EFCAB6: variants seen among roughly 807,000 people sequenced by gnomAD.
EFCAB6 encodes the protein EF-hand calcium binding domain 6.
Under a neutral mutation model 169.8 loss-of-function variants are expected in EFCAB6, and 156 were observed. That is an observed-to-expected ratio of 0.92 (90% CI 0.81 to 1.05). EFCAB6 has a LOEUF of 1.05. Ranked by LOEUF, EFCAB6 falls within the 50% of genes least tolerant of loss-of-function variation. EFCAB6 has a pLI of 0.00. For missense variants in EFCAB6, 1,800 were observed against 1,829.1 expected (o/e 0.98, Z 0.29); for synonymous variants, 698 against 676.4 (o/e 1.03, Z -0.50).
rs12159591 is a variant in EFCAB6 at position 43,626,574 on chromosome 22, C to T, written c.2338G>A (p.Asp780Asn). The T allele has an allele frequency of 1.3e-3, 2,103 of 1,614,164 alleles. 28 individuals carry two copies. The African/African-American group carries it at 0.025, about 19-fold the overall frequency. Residue 780 changes from aspartate to asparagine, a missense_variant, in exon 20 of 32, where the codon GAC (aspartate) becomes AAC (asparagine). Coordinates refer to ENST00000262726, the MANE Select transcript of EFCAB6 (RefSeq NM_022785.4). ...LLHLLLNLKD[D>N]EFERFLGLLG... ...AGGCCAAGGAAGCGCTCAAACTCGT[C>T]GTCTTTGAGATTAAGCAGTAGATGC...
intron 25 of EFCAB6, 59 bp downstream of exon 25, chr22:43,580,405 G>C: frequency 6.4e-7 from 1 of 1,569,868 alleles, no homozygotes; most frequent in Non-Finnish European, 8.7e-7. Context: ...GTGGGGCTGA[G>C]AGGTGTTTTC....
At chr22:43,604,186 C>T (rs868252366) in intron 22 of EFCAB6, among the ~76,000 whole-genome samples, 1 of 152,260 alleles carries the variant, frequency 6.6e-6, no homozygotes, top group Middle Eastern at 3.4e-3. Flanking sequence ...TTTCTTTATA[C>T]GTTACCCAGT....
intron 23 of EFCAB6, among the ~76,000 whole-genome samples, chr22:43,599,202 C>A (rs990579554): frequency 6.6e-6 from 1 of 152,152 alleles, no homozygotes; most frequent in Non-Finnish European, 1.5e-5. Context: ...TAAGCCAGTG[C>A]ACTAATTTGG....
chr22:43,715,339 T>C (rs1047520875), intron 9 of EFCAB6, among the ~76,000 whole-genome samples: 6 of 152,174 alleles, frequency 3.9e-5, no homozygotes, highest in African/African-American at 1.4e-4. Flanking sequence ...TCATTTAACC[T>C]ATTCATGCCT....
rs185514119 is a variant in EFCAB6 at position 43,785,454 on chromosome 22, T to A, written c.-7-3129A>T. On this transcript the variant is annotated intron_variant, in intron 2 of 31. Coordinates refer to ENST00000262726, the MANE Select transcript of EFCAB6 (RefSeq NM_022785.4). ...TCAAAAGAGAAATTACCAAATAGTT[T>A]TAGATGGATGAAAATGAAGGCACAA... 9.9e-5 allele frequency among the ~76,000 whole-genome samples: 15 copies of A among 152,158 alleles called. 1 individual carries two copies. The East Asian group carries it at 2.9e-3, about 29-fold the overall frequency.
In EFCAB6 at chr22:43,537,435, T is replaced by G; in HGVS notation, c.3990A>C (p.Lys1330Asn). The part of the protein sequence containing the change: ...RIQGCWRQLL[K>N]ECKEKDVARQ... ...TGGCCACGTCCTTCTCCTTGCATTC[T>G]TTCAGGAGCTGGCGCCAGCAGCCCT... Residue 1330 changes from lysine (K) to asparagine (N), a missense_variant, in exon 29 of 32, where the codon AAA becomes AAC. Lys to Asn is a moderately conservative substitution (Grantham distance 94). Coordinates refer to ENST00000262726, the MANE Select transcript of EFCAB6 (RefSeq NM_022785.4). The surrounding 1 kb of genome is among the most constrained non-coding windows in gnomAD (Gnocchi z 4.3). 2 of 1,614,158 alleles carry G rather than the reference T, an allele frequency of 1.2e-6. No homozygotes were observed. Among genetic ancestry groups the G allele is most frequent in the Non-Finnish European group, 1.7e-6 (2 of 1,180,038 alleles).
At chr22:43,568,591 G>T (rs2049603363) in intron 26 of EFCAB6, among the ~76,000 whole-genome samples, 2 of 152,144 alleles carry the variant, frequency 1.3e-5, no homozygotes, top group African/African-American at 4.8e-5. Context: ...GGGTTCAGGG[G>T]AATGAGGCGG....
intron 8 of EFCAB6, among the ~76,000 whole-genome samples, chr22:43,721,804 G>A (rs8140278): frequency 0.41 from 61,823 of 151,904 alleles, 13,754 homozygotes; most frequent in East Asian, 0.83. Context: ...AAGAAAAACT[G>A]GGAAATATCC....
At chr22:43,760,319 C>T (rs1416123601) in intron 5 of EFCAB6, among the ~76,000 whole-genome samples, 1 of 151,944 alleles carries the variant, frequency 6.6e-6, no homozygotes, top group Admixed American at 6.6e-5. Context: ...ATTTCATTAT[C>T]TTATAGCCTT....
Position 43,537,450 on chromosome 22 carries a change from C to T in EFCAB6, c.3975G>A (p.Trp1325Ter). 6.2e-7 allele frequency: 1 copy of T among 1,614,144 alleles called. No individual in the cohort carries two copies. The highest frequency in any genetic ancestry group is 2.2e-5 in the East Asian group (1 of 44,878). Residue 1325 changes from tryptophan (W) to a stop codon, truncating the protein, a stop_gained, in exon 29 of 32, where the codon TGG becomes TGA. Coordinates refer to ENST00000262726, the MANE Select transcript of EFCAB6 (RefSeq NM_022785.4). LOFTEE classifies it high-confidence loss of function. This position sits in a 1 kb window ranked among gnomAD's most constrained non-coding sequence, Gnocchi z 4.3. ...SRLRKRIQGC[W>*]RQLLKECKEK... ...CCTTGCATTCTTTCAGGAGCTGGCG[C>T]CAGCAGCCCTGGATTCTCTTCCGGA...
At chr22:43,676,172 C>A (rs1040538649) in intron 13 of EFCAB6, among the ~76,000 whole-genome samples, 1 of 151,904 alleles carries the variant, frequency 6.6e-6, no homozygotes, top group Non-Finnish European at 1.5e-5. Flanking sequence ...AATCCCAGCA[C>A]CTTGGGAGGC....
At chr22:43,677,894 G>C in intron 13 of EFCAB6, 102 bp downstream of exon 13, 1 of 1,214,274 alleles carries the variant, frequency 8.2e-7, no homozygotes, top group Non-Finnish European at 1.1e-6. Context: ...CTGTAAAGTC[G>C]TTAATTTATT....
chr22:43,576,600 A>C, intron 25 of EFCAB6, 112 bp from the exon 26 acceptor site: 1 of 881,472 alleles, frequency 1.1e-6, no homozygotes, highest in South Asian at 2.6e-5. Flanking sequence ...AGTGTATAAA[A>C]GTACCTTGTA....
rs574441938 is a variant in EFCAB6, at chr22:43,647,221, C to T, written c.1984-12005G>A. On this transcript the variant is annotated intron_variant, in intron 17 of 31. Transcript: ENST00000262726. ...GGGGTGGGGGATGAAGGAATAACAC[C>T]TATTAACCATGGCTACAAACCTAGA... 3.3e-4 allele frequency among the ~76,000 whole-genome samples: 50 copies of T among 151,720 alleles called. 3 individuals carry two copies. In the South Asian group the frequency reaches 0.01, roughly 30 times the overall value.
At chr22:43,579,515 A>C (rs1301708954) in intron 25 of EFCAB6, among the ~76,000 whole-genome samples, 1 of 149,874 alleles carries the variant, frequency 6.7e-6, no homozygotes, top group Non-Finnish European at 1.5e-5. Flanking sequence ...TGCAAGCATC[A>C]TTCCATACAC....
chr22:43,752,267 G>A (rs1173464343), intron 6 of EFCAB6, among the ~76,000 whole-genome samples: 4 of 151,996 alleles, frequency 2.6e-5, no homozygotes, highest in South Asian at 2.1e-4. Context: ...ACTGGTGTGC[G>A]CCACCATGCC....
rs543866227 is a variant in EFCAB6, at chr22:43,558,382, GA to G, written c.3421-3287del. Among the ~76,000 whole-genome samples the G allele has an allele frequency of 4.8e-3, 729 of 152,242 alleles. 5 individuals are homozygous for G. The highest frequency in any genetic ancestry group is 0.017 in the African/African-American group (711 of 41,526). On this transcript the variant is annotated intron_variant, in intron 26 of 31. Transcript: ENST00000262726. ...GAATACCTCTGGATAAATGCCATAT[GA>G]AAGGTACATATGACACAGGCATACC... is the stretch of plus-strand genomic sequence containing the variant.
Position 43,555,100 on chromosome 22 carries a change from G to A in EFCAB6, c.3421-4C>T. ...TCTCAGCCCACTCATCAGCTGTCTG[G>A]ACAAAATAGAATGGAAATTGATCCA... On this transcript the variant is annotated splice_polypyrimidine_tract_variant and splice_region_variant and intron_variant, in intron 26 of 31. Transcript: ENST00000262726. 6.2e-7 allele frequency: 1 copy of A among 1,614,050 alleles called. No homozygotes were observed. Among genetic ancestry groups the A allele is most frequent in the Non-Finnish European group, 8.5e-7 (1 of 1,179,946 alleles).
intron 3 of EFCAB6, among the ~76,000 whole-genome samples, chr22:43,777,326 A>G (rs536436883): frequency 6.6e-6 from 1 of 152,284 alleles, no homozygotes; most frequent in East Asian, 1.9e-4. Flanking sequence ...TGGGGAAGTG[A>G]GGATGGAGCT....
Sources: allele counts gnomAD v4.1 joint callset (sites outside exome capture counted in the v4.1 genomes callset), GRCh38; gene constraint gnomAD v4.1.1; non-coding constraint Gnocchi (gnomAD v3.1); transcripts MANE v1.5; gene names NCBI Gene and HGNC (gene_info 2026-07-23, HGNC 2026-07-21).